NDC1: variants seen among roughly 807,000 people sequenced by gnomAD.
The protein encoded by NDC1 is NDC1 transmembrane nucleoporin.
A neutral mutation model predicts 89.8 loss-of-function variants in NDC1; 24 were observed. The ratio of observed to expected loss-of-function variants is 0.27; its 90% CI spans 0.19 to 0.38. NDC1 has a LOEUF of 0.38. Among genes scored for constraint, NDC1 ranks in the 10% least tolerant of loss-of-function variants. The pLI, the probability that NDC1 is intolerant of heterozygous loss-of-function variation, is 1.00. For missense variants in NDC1, 728 were observed against 797.6 expected (o/e 0.91, Z 1.05); for synonymous variants, 296 against 284.8 (o/e 1.04, Z -0.39).
intron 2 of NDC1, among the ~76,000 whole-genome samples, chr1:53,833,089 T>C (rs1490062411): frequency 6.6e-6 from 1 of 152,172 alleles, no homozygotes; most frequent in Non-Finnish European, 1.5e-5. Flanking sequence ...AAAATTATAC[T>C]ACAATTTCTT....
chr1:53,798,565 T>C (rs576212740), intron 11 of NDC1, among the ~76,000 whole-genome samples: 22 of 151,388 alleles, frequency 1.5e-4, no homozygotes, highest in Non-Finnish European at 2.9e-4. Context: ...TTTTTTTTTT[T>C]TCTCCTTAAG....
Position 53,796,970 on chromosome 1 carries a change from T to C in NDC1, c.1397A>G (p.Asn466Ser). 1.9e-6 allele frequency: 3 copies of C among 1,614,192 alleles called. No individual in the cohort carries two copies. The highest frequency in any genetic ancestry group is 2.5e-6 in the Non-Finnish European group (3 of 1,180,020). ...ACTTTGCGGTGACCCATAGCAGGTG[T>C]TTACATCAAAAATTCCAGCCATCCG... is the stretch of plus-strand genomic sequence containing the variant. Reference protein sequence around the residue: ...MNRMAGIFDVNTCYGSPQSPQ... With the variant: ...MNRMAGIFDVSTCYGSPQSPQ... Residue 466 changes from asparagine (N) to serine (S), a missense_variant, in exon 12 of 18, where the codon AAC becomes AGC. Asn to Ser is a conservative substitution (Grantham distance 46). Transcript: ENST00000371429.
intron 16 of NDC1, among the ~76,000 whole-genome samples, chr1:53,785,508 G>C (rs1372202687): frequency 6.6e-6 from 1 of 152,190 alleles, no homozygotes; most frequent in Non-Finnish European, 1.5e-5. Context: ...TGATGGGTAA[G>C]ATTTTCTAAT....
intron 16 of NDC1, among the ~76,000 whole-genome samples, chr1:53,786,117 G>A (rs550799829): frequency 1.3e-5 from 2 of 151,766 alleles, no homozygotes; most frequent in East Asian, 3.9e-4. Flanking sequence ...GTAGAGATAG[G>A]GTTTTACCAT....
chr1:53,796,862 A>T (rs1462082367), intron 12 of NDC1, 37 bp downstream of exon 12: 1 of 1,607,706 alleles, frequency 6.2e-7, no homozygotes, highest in Non-Finnish European at 8.5e-7. Context: ...CCTCTGCAAC[A>T]TGACATTTAA....
chr1:53,779,165 ATGACAACAAAGTAGTAAGAGC>A (rs1484788603), intron 16 of NDC1, among the ~76,000 whole-genome samples: 1 of 151,808 alleles, frequency 6.6e-6, no homozygotes, highest in African/African-American at 2.4e-5. Flanking sequence ...CATAGGAATA[ATGACAACAAAGTAGTAAGAGC>A]TAACATTTAC....
chr1:53,825,787 A>T lies in NDC1; in HGVS notation c.594+11T>A. ...AAATTTTGACATCAAGTAATGCTCAAATGATCTTACCTGTATGATGGGAAA... is the reference window on the plus strand; with the variant it reads ...AAATTTTGACATCAAGTAATGCTCATATGATCTTACCTGTATGATGGGAAA... On this transcript the variant is annotated intron_variant, in intron 5 of 17. Coordinates refer to ENST00000371429, the MANE Select transcript of NDC1 (RefSeq NM_018087.5). 1 of 1,566,542 alleles carries T rather than the reference A, an allele frequency of 6.4e-7. No homozygotes were observed. The highest frequency in any genetic ancestry group is 8.6e-7 in the Non-Finnish European group (1 of 1,163,580).
intron 5 of NDC1, among the ~76,000 whole-genome samples, chr1:53,820,541 A>T (rs1461816826): frequency 6.8e-6 from 1 of 146,102 alleles, no homozygotes; most frequent in Admixed American, 6.6e-5. Flanking sequence ...TATTAAAAAA[A>T]AAATGTCTTT....
chr1:53,795,815 C>T (rs1647678476), intron 13 of NDC1, among the ~76,000 whole-genome samples: 1 of 152,178 alleles, frequency 6.6e-6, no homozygotes, highest in Admixed American at 6.5e-5. Context: ...GCAGCACTTT[C>T]AAAATATAAG....
Position 53,772,379 on chromosome 1 carries a change from T to C in NDC1, c.1911A>G (p.Ser637=). The C allele has an allele frequency of 6.2e-7, 1 of 1,613,946 alleles. No individual in the cohort carries two copies. Among genetic ancestry groups the C allele is most frequent in the South Asian group, 1.1e-5 (1 of 91,070 alleles). ...TTATTCGATAGATGGCAGTTTTCAG[T>C]GATGCTCTGAATGCAAATCTTAATG... ...YKTLRFAFRA[S]LKTAIYRITT... is the part of the protein sequence containing the mutation. Residue 637 remains serine, a synonymous_variant, in exon 17 of 18, where the codon TCA becomes TCG. Transcript: ENST00000371429.
At chr1:53,784,247 ACACG>A (rs1409469808) in intron 16 of NDC1, among the ~76,000 whole-genome samples, 1 of 151,168 alleles carries the variant, frequency 6.6e-6, no homozygotes, top group Non-Finnish European at 1.5e-5. Flanking sequence ...ACACACACAC[ACACG>A]CACACACTAT....
intron 6 of NDC1, among the ~76,000 whole-genome samples, chr1:53,816,893 C>T (rs1279358066): frequency 6.6e-5 from 10 of 152,098 alleles, no homozygotes; most frequent in African/African-American, 2.2e-4. Context: ...TGAAAAAATG[C>T]TCAATATCAC....
intron 5 of NDC1, among the ~76,000 whole-genome samples, chr1:53,825,339 G>C (rs1648813599): frequency 6.6e-6 from 1 of 151,610 alleles, no homozygotes; most frequent in African/African-American, 2.4e-5. Flanking sequence ...AACTGGGCGT[G>C]ATGGCATGTG....
At chr1:53,816,276 G>A (rs1372431952) in intron 6 of NDC1, among the ~76,000 whole-genome samples, 1 of 152,174 alleles carries the variant, frequency 6.6e-6, no homozygotes, top group Non-Finnish European at 1.5e-5. Context: ...GCAGGATAGA[G>A]AACCCAGAAA....
chr1:53,781,727 C>A (rs1047666952), intron 16 of NDC1, among the ~76,000 whole-genome samples: 1 of 152,206 alleles, frequency 6.6e-6, no homozygotes, highest in Non-Finnish European at 1.5e-5. Context: ...TCACTTTGAT[C>A]CCTTCTAGAC....
intron 14 of NDC1, among the ~76,000 whole-genome samples, chr1:53,790,423 T>A (rs893784712): frequency 4.1e-5 from 6 of 144,946 alleles, no homozygotes; most frequent in African/African-American, 1.5e-4. Flanking sequence ...AATAAAAAAA[T>A]TGGCTGGGCG....
rs192835947 is a variant in NDC1, at chr1:53,803,146, G to A, written c.1066+782C>T. Reference sequence around the variant, plus strand: ...AGTGGCACAATCTTGGCTTACTGCAGTATCAACCTCCTGGGCTCAAGCAAT... The same window carrying A: ...AGTGGCACAATCTTGGCTTACTGCAATATCAACCTCCTGGGCTCAAGCAAT... On this transcript the variant is annotated intron_variant, in intron 10 of 17. Transcript: ENST00000371429. Among the ~76,000 whole-genome samples, 46 of 152,222 alleles carry A rather than the reference G, an allele frequency of 3.0e-4. 1 individual carries two copies. The highest frequency in any genetic ancestry group is 1.1e-3 in the African/African-American group (45 of 41,536).
rs1491002964 is a variant in NDC1, at chr1:53,765,926, C to A, written c.*2044G>T. The A allele has an allele frequency of 6.6e-6, 1 of 152,136 alleles. No homozygotes were observed. Among genetic ancestry groups the A allele is most frequent in the African/African-American group, 2.4e-5 (1 of 41,422 alleles). The allele number at this position is 152,136 out of a possible 1,614,324, so 9.4% of individuals were successfully genotyped here. On this transcript the variant is annotated 3_prime_UTR_variant, in exon 18 of 18. Transcript: ENST00000371429. ...ACAGGAGGAGTTCCCCATAATAACA[C>A]CCTGGTTCCAACAGATGGTGTGTAG...
At chr1:53,811,193 A>T (rs753712721) in intron 6 of NDC1, among the ~76,000 whole-genome samples, 2 of 152,214 alleles carry the variant, frequency 1.3e-5, no homozygotes, top group South Asian at 2.1e-4. Flanking sequence ...TGACCAGAGG[A>T]GCAGGGAGTA....
Sources: gnomAD v4.1 joint callset for allele counts (sites outside exome capture counted in the v4.1 genomes callset) on GRCh38, gnomAD v4.1.1 for gene constraint, MANE v1.5 for transcripts, NCBI Gene and HGNC (gene_info 2026-07-23, HGNC 2026-07-21) for gene names.